RARB: variants seen among roughly 807,000 people sequenced by gnomAD.
The protein encoded by RARB is retinoic acid receptor beta, also known as HBV-activated protein.
Under a neutral mutation model 51.9 loss-of-function variants are expected in RARB, and 17 were observed. The ratio of observed to expected loss-of-function variants is 0.33; its 90% CI spans 0.22 to 0.49. The LOEUF (loss-of-function observed/expected upper bound fraction) is 0.49, where lower values mean the gene tolerates loss of function less well. Ranked by LOEUF, RARB falls within the 20% of genes least tolerant of loss-of-function variation. The pLI, the probability that RARB is intolerant of heterozygous loss-of-function variation, is 0.99. For synonymous variants in RARB, 215 were observed against 195.4 expected, an observed-to-expected ratio of 1.10 and a Z score of -0.84; for missense variants, 369 against 550.8, an observed-to-expected ratio of 0.67 and a Z score of 3.30.
chr3:25,517,496 A>G (rs542206220), intron 3 of RARB, among the ~76,000 whole-genome samples: 5 of 152,182 alleles, frequency 3.3e-5, no homozygotes, highest in African/African-American at 1.2e-4. Context: ...AGCAATAACA[A>G]ATGTTAGGAA....
intron 2 of RARB, among the ~76,000 whole-genome samples, chr3:24,895,478 A>G (rs1703459011): frequency 6.6e-6 from 1 of 152,208 alleles, no homozygotes; most frequent in Admixed American, 6.5e-5. Context: ...CACACATTGA[A>G]CAACTGTTCT....
chr3:25,407,899 G>C (rs1010164482), intron 5 of RARB, among the ~76,000 whole-genome samples: 2 of 152,134 alleles, frequency 1.3e-5, no homozygotes, highest in African/African-American at 2.4e-5. Context: ...CTTTTAGGAG[G>C]ATAAGTTCCA....
intron 2 of RARB, among the ~76,000 whole-genome samples, chr3:25,018,063 A>G (rs547564005): frequency 6.6e-6 from 1 of 152,324 alleles, no homozygotes; most frequent in Admixed American, 6.5e-5. Context: ...TTTGTTATTT[A>G]TAATCACCCA....
chr3:24,893,782 C>T (rs1184785576), intron 2 of RARB, among the ~76,000 whole-genome samples: 1 of 152,038 alleles, frequency 6.6e-6, no homozygotes, highest in African/African-American at 2.4e-5. Context: ...ACCTTAGTCT[C>T]CCAAAGTACT....
intron 5 of RARB, among the ~76,000 whole-genome samples, chr3:25,326,228 A>G (rs1338275887): frequency 2.6e-5 from 4 of 152,220 alleles, no homozygotes; most frequent in Non-Finnish European, 5.9e-5. Flanking sequence ...TTGGTATCCA[A>G]CTGGACCTGC....
intron 2 of RARB, among the ~76,000 whole-genome samples, chr3:24,861,997 T>C (rs1220178354): frequency 6.6e-6 from 1 of 152,226 alleles, no homozygotes; most frequent in Non-Finnish European, 1.5e-5. Context: ...AACTTCTCAC[T>C]GTGACTACAC....
In RARB at chr3:25,187,561, GT is replaced by G. The variant is rs149943090; in HGVS notation, c.178+12994del. On this transcript the variant is annotated intron_variant, in intron 5 of 11. Transcript: ENST00000383772. Reference sequence around the variant, plus strand: ...GTGTTAGAGACAGGAGAAAGGGAAAGTTTTTTTTAAGGCAAATGGCTAATAA... The same window carrying G: ...GTGTTAGAGACAGGAGAAAGGGAAAGTTTTTTTAAGGCAAATGGCTAATAA... Among the ~76,000 whole-genome samples, 1,489 of 151,756 alleles carry G rather than the reference GT, an allele frequency of 9.8e-3. 22 individuals are homozygous for G. The highest frequency in any genetic ancestry group is 0.034 in the African/African-American group (1,403 of 41,418).
intron 2 of RARB, among the ~76,000 whole-genome samples, chr3:25,467,867 A>G (rs1181087430): frequency 6.6e-6 from 1 of 152,256 alleles, no homozygotes; most frequent in Non-Finnish European, 1.5e-5. Flanking sequence ...ACAACAGTGA[A>G]CATGACAAAG....
At chr3:25,349,437 T>C (rs1461361844) in intron 5 of RARB, among the ~76,000 whole-genome samples, 1 of 152,200 alleles carries the variant, frequency 6.6e-6, no homozygotes, top group Non-Finnish European at 1.5e-5. Flanking sequence ...CTGAGGTCAA[T>C]TCTAGTTCAA....
chr3:25,201,207 T>G (rs1255003159), intron 5 of RARB, among the ~76,000 whole-genome samples: 2 of 152,206 alleles, frequency 1.3e-5, no homozygotes, highest in African/African-American at 2.4e-5. Context: ...GAATGGGAGT[T>G]CACTCGTGAT....
At chr3:25,523,137 G>C (rs1167662193) in intron 3 of RARB, among the ~76,000 whole-genome samples, 1 of 152,142 alleles carries the variant, frequency 6.6e-6, no homozygotes, top group Non-Finnish European at 1.5e-5. Flanking sequence ...GAATATCACT[G>C]GTTTCCAGTA....
intron 3 of RARB, among the ~76,000 whole-genome samples, chr3:25,121,924 ATTCTTCCTTG>A (rs1699790880): frequency 6.6e-6 from 1 of 152,068 alleles, no homozygotes; most frequent in Non-Finnish European, 1.5e-5. Context: ...TTTCTTCCTC[ATTCTTCCTTG>A]TATATCTTAG....
At chr3:25,247,699 A>C (rs1702599781) in intron 5 of RARB, among the ~76,000 whole-genome samples, 1 of 152,204 alleles carries the variant, frequency 6.6e-6, no homozygotes, top group South Asian at 2.1e-4. Context: ...CTCAGTTGGA[A>C]ATGCAGAAAT....
At chr3:25,325,411 C>A (rs1200673715) in intron 5 of RARB, among the ~76,000 whole-genome samples, 1 of 152,070 alleles carries the variant, frequency 6.6e-6, no homozygotes, top group Non-Finnish European at 1.5e-5. Context: ...GAGCTCCTAT[C>A]TCATCCTGTG....
chr3:25,362,028 C>G (rs955308810), intron 5 of RARB, among the ~76,000 whole-genome samples: 5 of 152,348 alleles, frequency 3.3e-5, no homozygotes, highest in African/African-American at 1.2e-4. Context: ...ATCCACTGCT[C>G]TCTTTAGAGC....
At chr3:25,031,391 G>A (rs551656521) in intron 2 of RARB, among the ~76,000 whole-genome samples, 11 of 152,084 alleles carry the variant, frequency 7.2e-5, no homozygotes, top group South Asian at 2.1e-4. Flanking sequence ...CTTCCTGGCC[G>A]GTAAGCTTTT....
intron 1 of RARB, among the ~76,000 whole-genome samples, chr3:25,457,948 T>G (rs1046302970): frequency 6.6e-6 from 1 of 152,212 alleles, no homozygotes; most frequent in African/African-American, 2.4e-5. Context: ...CTCTGTCAGT[T>G]GTTGAAGCAC....
At chr3:25,437,258 A>G (rs1401704007) in intron 1 of RARB, among the ~76,000 whole-genome samples, 1 of 151,870 alleles carries the variant, frequency 6.6e-6, no homozygotes, top group Non-Finnish European at 1.5e-5. Flanking sequence ...AGGGGCATCC[A>G]TTTACCAGAT....
At chr3:25,189,839 C>T (rs1701055171) in intron 5 of RARB, among the ~76,000 whole-genome samples, 1 of 152,088 alleles carries the variant, frequency 6.6e-6, no homozygotes, top group Non-Finnish European at 1.5e-5. Context: ...GAGCTGAGAT[C>T]ATGCTACTGC....
Sources: allele counts gnomAD v4.1 joint callset (sites outside exome capture counted in the v4.1 genomes callset), GRCh38; gene constraint gnomAD v4.1.1; transcripts MANE v1.5; gene names NCBI Gene and HGNC (gene_info 2026-07-23, HGNC 2026-07-21).